ARHGEF33: variants seen among roughly 807,000 people sequenced by gnomAD.
The protein encoded by ARHGEF33 is Rho guanine nucleotide exchange factor 33.
A neutral mutation model predicts 101.9 loss-of-function variants in ARHGEF33; 72 were observed. That is an observed-to-expected ratio of 0.71 (90% CI 0.58 to 0.86). The LOEUF (loss-of-function observed/expected upper bound fraction) is 0.86, where lower values mean the gene tolerates loss of function less well. Ranked by LOEUF, ARHGEF33 falls within the 40% of genes least tolerant of loss-of-function variation. The pLI is 0.00. For synonymous variants in ARHGEF33, 499 were observed against 442.5 expected (o/e 1.13, Z -1.60); for missense variants, 1,169 against 1,111.3 (o/e 1.05, Z -0.74).
intron 16 of ARHGEF33, among the ~76,000 whole-genome samples, chr2:38,963,830 T>C (rs1667997779): frequency 6.6e-6 from 1 of 152,180 alleles, no homozygotes; most frequent in Admixed American, 6.5e-5. Flanking sequence ...AAGCATGCCT[T>C]AAGTCAGTGG....
In ARHGEF33 at chr2:38,929,916, G is replaced by A. The variant is rs543499760; in HGVS notation, c.362+86G>A. 1.6e-4 allele frequency: 196 copies of A among 1,227,340 alleles called. No homozygotes were observed. In the African/African-American group the frequency reaches 2.7e-3, roughly 17 times the overall value. The allele number at this position is 1,227,340 out of a possible 1,614,324, so 76.0% of individuals were successfully genotyped here. ...ACCTGGTACACATTCCCCACTATCA[G>A]TGTATAGCTAGCTGGCCACTGTGCT... On this transcript the variant is annotated intron_variant, in intron 6 of 17. Transcript: ENST00000409978.
At chr2:38,890,967 G>GT (rs1161849542) in intron 1 of ARHGEF33, among the ~76,000 whole-genome samples, 8 of 31,350 alleles carry the variant, frequency 2.6e-4, no homozygotes, top group Middle Eastern at 0.025. Context: ...CCATACTATT[G>GT]GTTTTTTTTT....
At chr2:38,902,008 G>C (rs567940208) in intron 2 of ARHGEF33, among the ~76,000 whole-genome samples, 1 of 151,968 alleles carries the variant, frequency 6.6e-6, no homozygotes, top group African/African-American at 2.4e-5. Context: ...CCAGCTACTC[G>C]GGAGGCTGAG....
chr2:38,930,957 G>A lies in ARHGEF33; in HGVS notation c.363-152G>A, dbSNP rs548958296. 1.1e-4 allele frequency among the ~76,000 whole-genome samples: 16 copies of A among 152,320 alleles called. No individual in the cohort carries two copies. In the South Asian group the frequency reaches 3.3e-3, roughly 32 times the overall value. On this transcript the variant is annotated intron_variant, in intron 6 of 17. Transcript: ENST00000409978. The stretch of plus-strand genomic sequence containing the variant: ...TTAAGTTGAACCATATGAATTGCTA[G>A]TATTTGACCACTTTTAATTTTCAAA...
Position 38,960,463 on chromosome 2 carries a change from G to C in ARHGEF33, c.2158G>C (p.Gly720Arg). The part of the protein sequence containing the change: ...KEFPRAPPAD[G>R]VAPRLYSTRS... ...GTTCCCGCGTGCGCCGCCAGCCGAC[G>C]GCGTGGCCCCACGCCTCTACAGCAC... is the stretch of plus-strand genomic sequence containing the variant. The change falls in exon 16 of 18, where the codon GGC becomes CGC. Residue 720 changes from glycine to arginine, a missense_variant. Gly to Arg is a moderately radical substitution (Grantham distance 125). Coordinates refer to ENST00000409978, the MANE Select transcript of ARHGEF33 (RefSeq NM_001145451.5). 2 of 1,493,886 alleles carry C rather than the reference G, an allele frequency of 1.3e-6. No individual in the cohort carries two copies. Among genetic ancestry groups the C allele is most frequent in the African/African-American group, 2.9e-5 (2 of 68,574 alleles). 92.5% of individuals were successfully genotyped at this position (1,493,886 alleles called of 1,614,324 possible).
intron 2 of ARHGEF33, among the ~76,000 whole-genome samples, chr2:38,911,351 C>G (rs1666505817): frequency 6.6e-6 from 1 of 152,096 alleles, no homozygotes; most frequent in Admixed American, 6.5e-5. Flanking sequence ...ACTAAAGACC[C>G]ATTCAATAAA....
chr2:38,968,865 T>C (rs567162554), intron 17 of ARHGEF33, among the ~76,000 whole-genome samples: 2 of 152,280 alleles, frequency 1.3e-5, no homozygotes, highest in East Asian at 3.9e-4. Context: ...AGACTTTGCA[T>C]GGGTTGAAGA....
In ARHGEF33 at chr2:38,960,385, G is replaced by T; in HGVS notation, c.2080G>T (p.Ala694Ser). 1 of 1,511,276 alleles carries T rather than the reference G, an allele frequency of 6.6e-7. No individual in the cohort carries two copies. Among genetic ancestry groups the T allele is most frequent in the Non-Finnish European group, 8.8e-7 (1 of 1,135,054 alleles). 93.6% of individuals were successfully genotyped at this position (1,511,276 alleles called of 1,614,324 possible). Reference sequence around the variant, plus strand: ...CAGCAGCAGCGCCTACAAACTGGAGGCGGCGGCGCAGGCGCACGGCAAGGC... The same window carrying T: ...CAGCAGCAGCGCCTACAAACTGGAGTCGGCGGCGCAGGCGCACGGCAAGGC... ...AGSSSAYKLE[A>S]AAQAHGKAKP... is the part of the protein sequence containing the mutation. Residue 694 changes from alanine (A) to serine (S), a missense_variant, in exon 16 of 18, where the codon GCG becomes TCG. Coordinates refer to ENST00000409978, the MANE Select transcript of ARHGEF33 (RefSeq NM_001145451.5).
Position 38,958,042 on chromosome 2 carries a change from T to C in ARHGEF33, c.1379T>C (p.Met460Thr). 6.4e-7 allele frequency: 1 copy of C among 1,552,320 alleles called. No individual in the cohort carries two copies. The highest frequency in any genetic ancestry group is 8.7e-7 in the Non-Finnish European group (1 of 1,147,132). Residue 460 changes from methionine (M) to threonine (T), a missense_variant, in exon 15 of 18, where the codon ATG (methionine) becomes ACG (threonine). Transcript: ENST00000409978. ...QKRKKLKKSSMAKLYKGLASQ... is the reference protein window; with the variant it reads ...QKRKKLKKSSTAKLYKGLASQ... ...TATTTCCATTCTGTTAGGTCATCCA[T>C]GGCGAAGCTGTACAAAGGGCTGGCT...
At chr2:38,969,611 G>A (rs914819185) in intron 17 of ARHGEF33, 1 of 166,554 alleles carries the variant, frequency 6.0e-6, no homozygotes, top group East Asian at 1.9e-4. Context: ...AAATATTTGG[G>A]GAAAAGAATG....
chr2:38,921,431 C>A lies in ARHGEF33; in HGVS notation c.75+8C>A, dbSNP rs368062968. The A allele has an allele frequency of 3.8e-4, 574 of 1,527,572 alleles. 2 individuals are homozygous for A. The highest frequency in any genetic ancestry group is 4.8e-4 in the Non-Finnish European group (539 of 1,125,156). 94.6% of individuals were successfully genotyped at this position (1,527,572 alleles called of 1,614,324 possible). On this transcript the variant is annotated splice_region_variant and intron_variant, in intron 4 of 17. Transcript: ENST00000409978. Reference sequence around the variant, plus strand: ...TCCACGCAGATTTACCAGGTAAAGACAAATCGATTGTTTCAAATGCTCCCA... The same window carrying A: ...TCCACGCAGATTTACCAGGTAAAGAAAAATCGATTGTTTCAAATGCTCCCA...
At chr2:38,911,604 A>T (rs1361391169) in intron 2 of ARHGEF33, among the ~76,000 whole-genome samples, 1 of 152,174 alleles carries the variant, frequency 6.6e-6, no homozygotes, top group Non-Finnish European at 1.5e-5. Flanking sequence ...AATTTTTCTG[A>T]ATTAATTTTA....
At position 38,891,427 on chromosome 2, in the gene ARHGEF33, A is replaced by G. The variant is rs147731787; in HGVS notation, c.-159+1441A>G. On this transcript the variant is annotated intron_variant, in intron 1 of 17. Transcript: ENST00000409978. ...TTCCTTCCTTTCTTTTTCTTTAATG[A>G]CAGCAGTTCTTAACCTTTTCGGTGT... is the stretch of plus-strand genomic sequence containing the variant. 4.2e-3 allele frequency among the ~76,000 whole-genome samples: 630 copies of G among 151,566 alleles called. 5 individuals carry two copies. Among genetic ancestry groups the G allele is most frequent in the African/African-American group, 0.015 (602 of 41,292 alleles).
At chr2:38,936,411 T>C (rs750092429) in intron 8 of ARHGEF33, among the ~76,000 whole-genome samples, 9 of 152,246 alleles carry the variant, frequency 5.9e-5, no homozygotes, top group Non-Finnish European at 7.3e-5. Flanking sequence ...CTCCTCTTTC[T>C]GTTTCTCTTC....
intron 3 of ARHGEF33, 91 bp downstream of exon 3, chr2:38,919,563 T>C (rs1280360577): frequency 6.3e-6 from 8 of 1,272,794 alleles, no homozygotes; most frequent in Non-Finnish European, 8.9e-6. Flanking sequence ...GACATGACAG[T>C]ATGTTAACTA....
chr2:38,955,200 C>T (rs1421126083), intron 13 of ARHGEF33, among the ~76,000 whole-genome samples: 1 of 152,172 alleles, frequency 6.6e-6, no homozygotes, highest in Non-Finnish European at 1.5e-5. Context: ...TTCTACCATG[C>T]CATGCTTAAG....
intron 10 of ARHGEF33, among the ~76,000 whole-genome samples, chr2:38,946,709 T>G (rs1418961432): frequency 6.6e-6 from 1 of 152,216 alleles, no homozygotes; most frequent in African/African-American, 2.4e-5. Context: ...CACTGTAACC[T>G]CCACTTCCCG....
intron 16 of ARHGEF33, among the ~76,000 whole-genome samples, chr2:38,961,602 CTCAT>C (rs969298038): frequency 1.3e-5 from 2 of 152,164 alleles, no homozygotes; most frequent in African/African-American, 2.4e-5. Context: ...ACTGACTTTT[CTCAT>C]TCATTAATTT....
chr2:38,898,143 T>C (rs181547294), intron 2 of ARHGEF33, among the ~76,000 whole-genome samples: 2 of 152,286 alleles, frequency 1.3e-5, no homozygotes, highest in African/African-American at 2.4e-5. Context: ...GAATAAGGTA[T>C]AAAAAGTAGA....
Sources: gnomAD v4.1 joint callset for allele counts (sites outside exome capture counted in the v4.1 genomes callset) on GRCh38, gnomAD v4.1.1 for gene constraint, MANE v1.5 for transcripts, NCBI Gene and HGNC (gene_info 2026-07-23, HGNC 2026-07-21) for gene names.